The following CSMD1 variants were observed in gnomAD, a reference collection of about 807,000 sequenced individuals.
The protein encoded by CSMD1 is CUB and Sushi multiple domains 1.
A neutral mutation model predicts 417.5 loss-of-function variants in CSMD1; 213 were observed. That is an observed-to-expected ratio of 0.51 (90% CI 0.46 to 0.57). The LOEUF (loss-of-function observed/expected upper bound fraction) is 0.57, where lower values mean the gene tolerates loss of function less well. CSMD1 is among the 20% of genes least tolerant of loss of function. CSMD1 has a pLI of 0.00. For synonymous variants in CSMD1, 2,862 were observed against 1,736.8 expected (o/e 1.65, Z -16.11); for missense variants, 6,923 against 4,529.7 (o/e 1.53, Z -15.17).
intron 25 of CSMD1, among the ~76,000 whole-genome samples, chr8:3,294,415 G>C (rs924993733): frequency 6.6e-6 from 1 of 152,208 alleles, no homozygotes; most frequent in Middle Eastern, 3.2e-3. Context: ...TGCCCTGCCT[G>C]CAGAGGTGGA....
intron 1 of CSMD1, among the ~76,000 whole-genome samples, chr8:4,703,971 T>C (rs1020538276): frequency 3.9e-5 from 6 of 152,146 alleles, no homozygotes; most frequent in African/African-American, 1.4e-4. Context: ...ACACATGCAG[T>C]TCACAGTAGG....
intron 2 of CSMD1, among the ~76,000 whole-genome samples, chr8:4,634,430 A>G (rs1032792316): frequency 2.0e-5 from 3 of 152,178 alleles, no homozygotes; most frequent in Non-Finnish European, 2.9e-5. Flanking sequence ...TGATACTAAA[A>G]ATGCTCAAGT....
chr8:4,532,808 G>T (rs1278198467), intron 2 of CSMD1, among the ~76,000 whole-genome samples: 2 of 145,764 alleles, frequency 1.4e-5, no homozygotes, highest in East Asian at 2.1e-4. Flanking sequence ...CACTCCGGAA[G>T]AGAAATCCTG....
At chr8:4,552,844 G>C (rs560046652) in intron 2 of CSMD1, among the ~76,000 whole-genome samples, 10 of 152,248 alleles carry the variant, frequency 6.6e-5, no homozygotes, top group African/African-American at 2.4e-4. Flanking sequence ...GCTCTAGCTG[G>C]ATGTTTGTGA....
chr8:4,870,749 C>A (rs1187050524), intron 1 of CSMD1, among the ~76,000 whole-genome samples: 1 of 152,132 alleles, frequency 6.6e-6, no homozygotes, highest in Non-Finnish European at 1.5e-5. Context: ...ACTATGTGAG[C>A]CTGCTCCATT....
Position 2,963,394 on chromosome 8 carries a change from G to C in CSMD1, c.9282C>G (p.Ala3094=). 1 of 1,613,286 alleles carries C rather than the reference G, an allele frequency of 6.2e-7. No individual in the cohort carries two copies. Among genetic ancestry groups the C allele is most frequent in the Non-Finnish European group, 8.5e-7 (1 of 1,179,360 alleles). ...RWNPSKPVCK[A]VLCPQPPPVQ... ...CCGGCGGCGGCTGAGGACACAGCAC[G>C]GCTATTTCCAAAGAACAAACAAGAT... Residue 3094 remains alanine (A), a splice_region_variant and synonymous_variant, in exon 60 of 70, where the codon GCC becomes GCG. Coordinates refer to ENST00000635120, the MANE Select transcript of CSMD1 (RefSeq NM_033225.6).
chr8:3,393,521 C>T (rs1811472919), intron 17 of CSMD1, among the ~76,000 whole-genome samples: 1 of 152,006 alleles, frequency 6.6e-6, no homozygotes, highest in African/African-American at 2.4e-5. Flanking sequence ...GCATAAATGT[C>T]TTCTTTTGAG....
At chr8:3,808,025 C>G (rs943456896) in intron 5 of CSMD1, among the ~76,000 whole-genome samples, 2 of 152,136 alleles carry the variant, frequency 1.3e-5, no homozygotes, top group African/African-American at 4.8e-5. Context: ...TTCTTGAGCT[C>G]TATTTTTAAA....
chr8:3,454,021 G>T (rs984283243), intron 12 of CSMD1, among the ~76,000 whole-genome samples: 1 of 152,124 alleles, frequency 6.6e-6, no homozygotes, highest in African/African-American at 2.4e-5. Flanking sequence ...ATATATTTAG[G>T]ATAGTTAGCT....
chr8:4,172,745 T>G (rs574605877), intron 3 of CSMD1, among the ~76,000 whole-genome samples: 175 of 152,270 alleles, frequency 1.1e-3, no homozygotes, highest in African/African-American at 4.1e-3. Flanking sequence ...GTAAAAAGAC[T>G]GTGGCTTCCA....
intron 2 of CSMD1, among the ~76,000 whole-genome samples, chr8:4,620,200 A>T (rs1801692367): frequency 6.6e-6 from 1 of 151,710 alleles, no homozygotes; most frequent in Non-Finnish European, 1.5e-5. Flanking sequence ...GTAGAAATTT[A>T]AGGTAATATG....
chr8:4,206,702 T>C lies in CSMD1; in HGVS notation c.416-174603A>G, dbSNP rs1317381745. Among the ~76,000 whole-genome samples the C allele has an allele frequency of 2.0e-5, 3 of 152,344 alleles. No homozygotes were observed. The East Asian group carries it at 5.8e-4, about 29-fold the overall frequency. ...TAAAATCCTTTGGGTATATACCCTG[T>C]AATGGGATGGCTGGGTCAAATAGTA... On this transcript the variant is annotated intron_variant, in intron 3 of 69. Coordinates refer to ENST00000635120, the MANE Select transcript of CSMD1 (RefSeq NM_033225.6).
chr8:4,019,055 G>C (rs887017814), intron 4 of CSMD1, among the ~76,000 whole-genome samples: 3 of 152,210 alleles, frequency 2.0e-5, no homozygotes, highest in Non-Finnish European at 1.5e-5. Flanking sequence ...CTTTGAGACA[G>C]ATGCTACTCC....
chr8:3,415,216 G>A (rs908059387), intron 12 of CSMD1, among the ~76,000 whole-genome samples: 3 of 152,066 alleles, frequency 2.0e-5, no homozygotes, highest in Non-Finnish European at 4.4e-5. Flanking sequence ...GCTAAGCAAA[G>A]CTAATTAATA....
chr8:3,101,034 T>C (rs1815696887), intron 46 of CSMD1, among the ~76,000 whole-genome samples: 1 of 147,198 alleles, frequency 6.8e-6, no homozygotes, highest in African/African-American at 2.5e-5. Context: ...ATCTCCTTAA[T>C]GTTCACTGAA....
At chr8:4,051,842 TTC>T (rs1444382556) in intron 3 of CSMD1, among the ~76,000 whole-genome samples, 3 of 140,428 alleles carry the variant, frequency 2.1e-5, no homozygotes, top group Admixed American at 7.7e-5. Flanking sequence ...TTTCTTTTCT[TTC>T]TTTTCTTTTC....
intron 3 of CSMD1, among the ~76,000 whole-genome samples, chr8:4,088,134 G>A (rs746283424): frequency 2.0e-5 from 3 of 152,184 alleles, no homozygotes; most frequent in Non-Finnish European, 2.9e-5. Context: ...GCTGTGAGGA[G>A]GACACTGCCC....
intron 5 of CSMD1, among the ~76,000 whole-genome samples, chr8:3,847,331 T>A (rs896068955): frequency 1.3e-5 from 2 of 152,012 alleles, no homozygotes; most frequent in Non-Finnish European, 2.9e-5. Flanking sequence ...GAGGAACCCT[T>A]AAAAGTGTTC....
At chr8:4,831,495 A>G (rs141454965) in intron 1 of CSMD1, among the ~76,000 whole-genome samples, 10 of 152,290 alleles carry the variant, frequency 6.6e-5, no homozygotes, top group African/African-American at 2.4e-4. Flanking sequence ...TTTTGTCAAG[A>G]TGCTGCTCAT....
Sources: gnomAD v4.1 joint callset for allele counts (sites outside exome capture counted in the v4.1 genomes callset) on GRCh38, gnomAD v4.1.1 for gene constraint, MANE v1.5 for transcripts, NCBI Gene and HGNC (gene_info 2026-07-23, HGNC 2026-07-21) for gene names.